Variants in IQUB observed in about 807,000 individuals in gnomAD.
IQUB encodes the protein IQ motif and ubiquitin-like domain-containing protein.
A neutral mutation model predicts 86.4 loss-of-function variants in IQUB; 86 were observed. The observed-to-expected ratio is 1.00, with a 90% confidence interval of 0.84 to 1.19. The LOEUF (loss-of-function observed/expected upper bound fraction) is 1.19, where lower values mean the gene tolerates loss of function less well. Among genes scored for constraint, IQUB ranks in the 50% most tolerant of loss-of-function variants. IQUB has a pLI of 0.00. For synonymous variants in IQUB, 289 were observed against 304.5 expected (o/e 0.95, Z 0.53); for missense variants, 946 against 916.9 (o/e 1.03, Z -0.41).
intron 7 of IQUB, among the ~76,000 whole-genome samples, chr7:123,492,265 A>T (rs541584340): frequency 1.4e-4 from 22 of 152,344 alleles, no homozygotes; most frequent in African/African-American, 4.8e-4. Context: ...AATGCAATGG[A>T]GAAATGACAG....
intron 10 of IQUB, 88 bp downstream of exon 10, chr7:123,464,745 G>T: frequency 1.3e-6 from 1 of 775,054 alleles, no homozygotes; most frequent in Non-Finnish European, 2.0e-6. Context: ...CCCAAGTAAA[G>T]TGTTAAAGCA....
chr7:123,516,397 G>C (rs926524882), intron 1 of IQUB, among the ~76,000 whole-genome samples: 1 of 151,986 alleles, frequency 6.6e-6, no homozygotes. Context: ...GATAAAAAGG[G>C]CATTTATCTT....
chr7:123,533,737 G>C (rs1797644161), intron 1 of IQUB, among the ~76,000 whole-genome samples: 1 of 152,200 alleles, frequency 6.6e-6, no homozygotes. Context: ...CTACATATTT[G>C]CGTATGTCTA....
chr7:123,479,938 G>A lies in IQUB; in HGVS notation c.1267C>T (p.Gln423Ter). 6.2e-7 allele frequency: 1 copy of A among 1,611,448 alleles called. No individual in the cohort carries two copies. Among genetic ancestry groups the A allele is most frequent in the Non-Finnish European group, 8.5e-7 (1 of 1,178,994 alleles). The change falls in exon 8 of 13, where the codon CAA becomes TAA. Residue 423 changes from glutamine (Q) to a stop codon, truncating the protein, a stop_gained. Transcript: ENST00000324698. LOFTEE classifies it high-confidence loss of function. Reference protein sequence around the residue: ...WRQEELTRINQSFTGAERKAA... With the variant: ...WRQEELTRIN ...TTCCTTTCAGCTCCAGTAAAAGATT[G>A]GTTAATACGTGTAAGTTCTTCTTGC...
chr7:123,516,684 T>C (rs1796651803), intron 1 of IQUB, among the ~76,000 whole-genome samples: 1 of 151,942 alleles, frequency 6.6e-6, no homozygotes. Flanking sequence ...GCAAGGTGAG[T>C]AGGAAGTAGC....
At chr7:123,533,072 C>T (rs1257589420) in intron 1 of IQUB, 3 of 152,196 alleles carry the variant, frequency 2.0e-5, no homozygotes, top group Admixed American at 2.0e-4. Context: ...TCCCCCAGTC[C>T]TGCCGCCGCC....
At chr7:123,461,764 C>A in intron 10 of IQUB, 159 bp from the exon 11 acceptor site, 1 of 581,426 alleles carries the variant, frequency 1.7e-6, no homozygotes, top group Non-Finnish European at 2.7e-6. Context: ...TTTCCCTGAA[C>A]TTCTTATCCT....
At chr7:123,515,115 C>T (rs1313215085) in intron 1 of IQUB, among the ~76,000 whole-genome samples, 3 of 151,722 alleles carry the variant, frequency 2.0e-5, no homozygotes, top group Non-Finnish European at 4.4e-5. Context: ...AACAAACAAA[C>T]AAAAAACAAA....
At chr7:123,523,671 G>A (rs1797025657) in intron 1 of IQUB, among the ~76,000 whole-genome samples, 1 of 151,738 alleles carries the variant, frequency 6.6e-6, no homozygotes, top group African/African-American at 2.4e-5. Context: ...CACTCTGATG[G>A]TAGTTTCTTT....
chr7:123,517,302 C>T (rs1489728720), intron 1 of IQUB, among the ~76,000 whole-genome samples: 2 of 151,584 alleles, frequency 1.3e-5, no homozygotes, highest in Admixed American at 1.3e-4. Context: ...GAGGCCGAGG[C>T]GGGTGGATCA....
rs1796517021 is a variant in IQUB at position 123,513,480 on chromosome 7, A to T, written c.-4-1136T>A. 2.6e-5 allele frequency among the ~76,000 whole-genome samples: 4 copies of T among 152,324 alleles called. No individual in the cohort carries two copies. The South Asian group carries it at 8.3e-4, about 32-fold the overall frequency. On this transcript the variant is annotated intron_variant, in intron 1 of 12. Transcript: ENST00000324698. The stretch of plus-strand genomic sequence containing the variant: ...GAGCTAAGAATGATTTTGTATTGTG[A>T]AACCAAAAAACAACAAAGATGCATT...
chr7:123,506,840 G>A (rs1796199934), intron 3 of IQUB, among the ~76,000 whole-genome samples: 1 of 152,116 alleles, frequency 6.6e-6, no homozygotes, highest in South Asian at 2.1e-4. Context: ...CACGGTAGAG[G>A]TAAGCCAGTT....
At chr7:123,478,042 A>G (rs1298563134) in intron 8 of IQUB, among the ~76,000 whole-genome samples, 5 of 152,146 alleles carry the variant, frequency 3.3e-5, no homozygotes, top group African/African-American at 4.8e-5. Flanking sequence ...CGACTCCTCA[A>G]GGATCTAGAA....
chr7:123,505,579 G>A (rs769664604), intron 3 of IQUB, among the ~76,000 whole-genome samples: 1 of 152,176 alleles, frequency 6.6e-6, no homozygotes, highest in Non-Finnish European at 1.5e-5. Flanking sequence ...TGGAGCAATG[G>A]CCTGAGGCAT....
chr7:123,455,534 A>G (rs1488432932), intron 12 of IQUB, among the ~76,000 whole-genome samples: 1 of 152,150 alleles, frequency 6.6e-6, no homozygotes, highest in Non-Finnish European at 1.5e-5. Flanking sequence ...GCCAAAAAAA[A>G]CTATGCAGAA....
At chr7:123,494,278 A>T (rs1422970105) in intron 7 of IQUB, among the ~76,000 whole-genome samples, 1 of 152,112 alleles carries the variant, frequency 6.6e-6, no homozygotes, top group Non-Finnish European at 1.5e-5. Flanking sequence ...TCTTAAATTA[A>T]TATCATTTTG....
intron 9 of IQUB, among the ~76,000 whole-genome samples, chr7:123,466,143 A>C (rs1584556170): frequency 6.6e-6 from 1 of 152,252 alleles, no homozygotes; most frequent in East Asian, 1.9e-4. Context: ...TACAAATGAC[A>C]AAACTGATTT....
intron 3 of IQUB, among the ~76,000 whole-genome samples, chr7:123,505,316 C>T (rs1584620994): frequency 6.6e-6 from 1 of 152,190 alleles, no homozygotes; most frequent in Admixed American, 6.5e-5. Flanking sequence ...TCCACAGGTA[C>T]AGCTCCACTA....
At position 123,479,923 on chromosome 7, in the gene IQUB, C is replaced by A. The variant is rs1177168519; in HGVS notation, c.1282G>T (p.Ala428Ser). ...TCACACAGAGCAGCTTTCCTTTCAG[C>A]TCCAGTAAAAGATTGGTTAATACGT... is the stretch of plus-strand genomic sequence containing the variant. ...LTRINQSFTG[A>S]ERKAALCELL... is the part of the protein sequence containing the mutation. The change falls in exon 8 of 13, where the codon GCT becomes TCT. Residue 428 changes from alanine (A) to serine (S), a missense_variant. Physicochemically the swap from Ala to Ser is moderately conservative, Grantham distance 99. Coordinates refer to ENST00000324698, the MANE Select transcript of IQUB (RefSeq NM_178827.5). The A allele has an allele frequency of 6.2e-7, 1 of 1,613,006 alleles. No homozygotes were observed. The highest frequency in any genetic ancestry group is 8.5e-7 in the Non-Finnish European group (1 of 1,179,408).
Sources: gnomAD v4.1 joint callset for allele counts (sites outside exome capture counted in the v4.1 genomes callset) on GRCh38, gnomAD v4.1.1 for gene constraint, MANE v1.5 for transcripts, NCBI Gene and HGNC (gene_info 2026-07-23, HGNC 2026-07-21) for gene names.